Variants in TLE3 observed in about 807,000 individuals in gnomAD.
TLE3 encodes the protein TLE family member 3, transcriptional corepressor, also known as transducin-like enhancer protein 3.
A neutral mutation model predicts 93.0 loss-of-function variants in TLE3; 14 were observed. The ratio of observed to expected loss-of-function variants is 0.15; its 90% CI spans 0.10 to 0.24. The LOEUF is 0.24. TLE3 is among the 10% of genes least tolerant of loss of function. The pLI is 1.00. For missense variants in TLE3, 693 were observed against 1,046.6 expected, an observed-to-expected ratio of 0.66 and a Z score of 4.66; for synonymous variants, 451 against 425.0, an observed-to-expected ratio of 1.06 and a Z score of -0.75.
At chr15:70,089,568 A>C (rs1420866147) in intron 4 of TLE3, among the ~76,000 whole-genome samples, 1 of 152,236 alleles carries the variant, frequency 6.6e-6, no homozygotes, top group Non-Finnish European at 1.5e-5. Context: ...AGATAACCTG[A>C]GTAAATTTTG....
At position 70,056,303 on chromosome 15, in the gene TLE3, T is replaced by C; in HGVS notation, c.1323A>G (p.Gly441=). The C allele has an allele frequency of 1.2e-6, 2 of 1,613,642 alleles. No homozygotes were observed. The highest frequency in any genetic ancestry group is 1.7e-6 in the Non-Finnish European group (2 of 1,179,846). ...TAAGTATAGCCAAAGCTTACGGTTTTCCTCCAGGAATGGAGGCCAGGCTTG... is the reference window on the plus strand; with the variant it reads ...TAAGTATAGCCAAAGCTTACGGTTTCCCTCCAGGAATGGAGGCCAGGCTTG... ...LPSSLASIPG[G]KPAYSFHVSA... The change falls in exon 14 of 20, where the codon GGA becomes GGG. Residue 441 remains glycine (G), a synonymous_variant. Coordinates refer to ENST00000451782, the MANE Select transcript of TLE3 (RefSeq NM_001105192.3).
At chr15:70,086,374 T>G (rs1370862604) in intron 4 of TLE3, among the ~76,000 whole-genome samples, 1 of 152,172 alleles carries the variant, frequency 6.6e-6, no homozygotes, top group Non-Finnish European at 1.5e-5. Flanking sequence ...AGCAAAGACC[T>G]GTCGAGGGCT....
intron 1 of TLE3, 29 bp downstream of exon 1, chr15:70,096,746 C>T: frequency 6.2e-7 from 1 of 1,612,554 alleles, no homozygotes; most frequent in African/African-American, 1.3e-5. Context: ...ATGATAGATG[C>T]TTAAATAAAC....
intron 19 of TLE3, chr15:70,050,443 A>T (rs1462937534): frequency 6.8e-6 from 3 of 440,716 alleles, no homozygotes; most frequent in African/African-American, 6.0e-5. Flanking sequence ...CTTTTCCATA[A>T]GGAAAAGCTC....
At chr15:70,075,160 A>C (rs1184682408) in intron 5 of TLE3, among the ~76,000 whole-genome samples, 1 of 152,238 alleles carries the variant, frequency 6.6e-6, no homozygotes, top group Non-Finnish European at 1.5e-5. Flanking sequence ...AGATAGAGAA[A>C]GAAAAAGTGG....
intron 4 of TLE3, 23 bp from the exon 5 acceptor site, chr15:70,076,181 T>A (rs1189810312): frequency 6.2e-7 from 1 of 1,612,538 alleles, no homozygotes; most frequent in Non-Finnish European, 8.5e-7. Flanking sequence ...GGAGACCACA[T>A]GAAGCTCAGG....
chr15:70,049,791 T>C lies in TLE3; in HGVS notation c.*306A>G, dbSNP rs1447501088. On this transcript the variant is annotated 3_prime_UTR_variant, in exon 20 of 20. Coordinates refer to ENST00000451782, the MANE Select transcript of TLE3 (RefSeq NM_001105192.3). ...AAAGGGAAGAACAAACAGAGACTCA[T>C]GAGCGGGTCTGTGGGGGAACCGGAG... The C allele has an allele frequency of 1.7e-5, 5 of 289,074 alleles. No homozygotes were observed. Among genetic ancestry groups the C allele is most frequent in the Non-Finnish European group, 3.4e-5 (5 of 148,284 alleles). The allele number at this position is 289,074 out of a possible 1,614,324, so 17.9% of individuals were successfully genotyped here.
intron 5 of TLE3, 34 bp from the exon 6 acceptor site, chr15:70,074,641 A>T (rs764520037): frequency 5.1e-6 from 8 of 1,567,930 alleles, no homozygotes; most frequent in Non-Finnish European, 6.1e-6. Flanking sequence ...AGATGCAGCC[A>T]CTTTCCTGGA....
Position 70,050,091 on chromosome 15 carries a change from T to A in TLE3, c.*6A>T. The A allele has an allele frequency of 6.2e-7, 1 of 1,610,564 alleles. No homozygotes were observed. Among genetic ancestry groups the A allele is most frequent in the Non-Finnish European group, 8.5e-7 (1 of 1,176,740 alleles). ...CAGAGTTTGACAGCCCTGCTGGAGT[T>A]CTTGTTTAGTAGATGACCTCATAAA... is the stretch of plus-strand genomic sequence containing the variant. On this transcript the variant is annotated 3_prime_UTR_variant, in exon 20 of 20. Coordinates refer to ENST00000451782, the MANE Select transcript of TLE3 (RefSeq NM_001105192.3).
intron 8 of TLE3, among the ~76,000 whole-genome samples, chr15:70,060,968 G>A (rs756024851): frequency 6.6e-6 from 1 of 152,206 alleles, no homozygotes; most frequent in African/African-American, 2.4e-5. Context: ...GAGGGCGAGG[G>A]TCACCTGGGT....
chr15:70,060,470 C>T, intron 9 of TLE3, 60 bp downstream of exon 9: 2 of 1,602,848 alleles, frequency 1.2e-6, no homozygotes, highest in Non-Finnish European at 8.5e-7. Context: ...TTGGGCCCTG[C>T]AGACACCCCC....
At chr15:70,094,462 G>T in intron 4 of TLE3, 70 bp downstream of exon 4, 1 of 1,196,954 alleles carries the variant, frequency 8.4e-7, no homozygotes, top group South Asian at 1.4e-5. Flanking sequence ...AAACAAGAGA[G>T]AACATAAGAA....
In TLE3 at chr15:70,055,129, T is replaced by C; in HGVS notation, c.1498A>G (p.Thr500Ala). 6.2e-7 allele frequency: 1 copy of C among 1,614,166 alleles called. No homozygotes were observed. Among genetic ancestry groups the C allele is most frequent in the Non-Finnish European group, 8.5e-7 (1 of 1,180,018 alleles). ...TISNPTRHVY[T>A]GGKGCVKIWD... ...ATCTTCACGCAGCCCTTGCCACCTG[T>C]GTAGACGTGCCTCGTGGGGTTGCTG... Residue 500 changes from threonine (T) to alanine (A), a missense_variant, in exon 15 of 20, where the codon ACA becomes GCA. Thr to Ala is a moderately conservative substitution (Grantham distance 58, BLOSUM62 0). This residue lies in a region of TLE3 where 153 missense variants were observed against 379.9 expected (regional missense o/e 0.40). Coordinates refer to ENST00000451782, the MANE Select transcript of TLE3 (RefSeq NM_001105192.3).
chr15:70,080,190 G>A (rs760040941), intron 4 of TLE3, among the ~76,000 whole-genome samples: 4 of 152,128 alleles, frequency 2.6e-5, no homozygotes, highest in Non-Finnish European at 4.4e-5. Context: ...TCGATAAGGC[G>A]GCTGTAGTTT....
At chr15:70,095,386 T>C in intron 3 of TLE3, 192 bp downstream of exon 3, 1 of 1,459,080 alleles carries the variant, frequency 6.9e-7, no homozygotes, top group East Asian at 2.5e-5. Flanking sequence ...CTCCCCTCAC[T>C]CACCCTCCTC....
intron 12 of TLE3, chr15:70,057,944 G>A: frequency 1.2e-6 from 1 of 834,042 alleles, no homozygotes; most frequent in Non-Finnish European, 1.8e-6. Context: ...TGGGAGCCCT[G>A]ACCCGTCTGA....
Position 70,097,311 on chromosome 15 carries a change from G to A in TLE3, c.-513C>T. 2.5e-6 allele frequency: 1 copy of A among 401,108 alleles called. No homozygotes were observed. Among genetic ancestry groups the A allele is most frequent in the East Asian group, 3.6e-5 (1 of 28,032 alleles). 24.8% of individuals were successfully genotyped at this position (401,108 alleles called of 1,614,324 possible). On this transcript the variant is annotated 5_prime_UTR_variant, in exon 1 of 20. Transcript: ENST00000451782. ...AGAGGCGTCCGGGCCTGGGGCTCGC[G>A]GCGAGAAGAGGAAGGAGGCGGGCTA...
rs542913700 is a variant in TLE3 at position 70,082,355 on chromosome 15, C to T, written c.235-6197G>A. 7.2e-5 allele frequency among the ~76,000 whole-genome samples: 11 copies of T among 152,032 alleles called. No individual in the cohort carries two copies. The South Asian group carries it at 2.3e-3, about 32-fold the overall frequency. On this transcript the variant is annotated intron_variant, in intron 4 of 19. Transcript: ENST00000451782. ...GGGGCCGGGGGACAGCCAACAAAAG[C>T]TGGGGTGGGGTTCTCAGGCCCTGCT... is the stretch of plus-strand genomic sequence containing the variant.
At chr15:70,051,243 C>T (rs1379928397) in intron 19 of TLE3, 148 bp downstream of exon 19, 1 of 691,412 alleles carries the variant, frequency 1.4e-6, no homozygotes, top group Non-Finnish European at 2.3e-6. Flanking sequence ...GCTCCCCTAT[C>T]AGGTAGGGGT....
Sources: gnomAD v4.1 joint callset for allele counts (sites outside exome capture counted in the v4.1 genomes callset) on GRCh38, gnomAD v4.1.1 for gene constraint, gnomAD v4.1.1 regional missense constraint, MANE v1.5 for transcripts, NCBI Gene and HGNC (gene_info 2026-07-23, HGNC 2026-07-21) for gene names.